Variants in ZNF662 observed in about 807,000 individuals in gnomAD.
The protein encoded by ZNF662 is zinc finger protein 662.
A neutral mutation model predicts 12.4 loss-of-function variants in ZNF662; 14 were observed. The observed-to-expected ratio is 1.13, with a 90% confidence interval of 0.75 to 1.77. ZNF662 has a LOEUF of 1.77. Ranked by LOEUF, ZNF662 falls within the 40% of genes most tolerant of loss-of-function variation. The pLI is 0.00. For synonymous variants in ZNF662, 184 were observed against 176.4 expected, an observed-to-expected ratio of 1.04 and a Z score of -0.34; for missense variants, 550 against 515.6, an observed-to-expected ratio of 1.07 and a Z score of -0.65.
intron 3 of ZNF662, among the ~76,000 whole-genome samples, chr3:42,909,984 T>C (rs2088758342): frequency 6.6e-6 from 1 of 152,034 alleles, no homozygotes; most frequent in African/African-American, 2.4e-5. Flanking sequence ...CTCGGCACTT[T>C]GGGAGGCCAA....
At chr3:42,908,998 G>A in intron 3 of ZNF662, 89 bp downstream of exon 3, 1 of 834,704 alleles carries the variant, frequency 1.2e-6, no homozygotes, top group East Asian at 2.7e-5. Flanking sequence ...TTAATCTAGT[G>A]TTGTAGACAC....
rs891842073 is a variant in ZNF662, at chr3:42,913,297, G to T, written c.248G>T (p.Cys83Phe). The change falls in exon 4 of 5, where the codon TGT (cysteine) becomes TTT (phenylalanine). Residue 83 changes from cysteine to phenylalanine, a missense_variant. Coordinates refer to ENST00000440367, the MANE Select transcript of ZNF662 (RefSeq NM_207404.4). The part of the protein sequence containing the change: ...KLQGEGPSLI[C>F]PEGVLKRKKE... ...CAAGGAGAGGGTCCAAGCCTGATTT[G>T]TCCGGGTAAGTGAGAGGGAAATGAG... 1 of 1,611,940 alleles carries T rather than the reference G, an allele frequency of 6.2e-7. No individual in the cohort carries two copies. Among genetic ancestry groups the T allele is most frequent in the Non-Finnish European group, 8.5e-7 (1 of 1,178,126 alleles).
Position 42,914,670 on chromosome 3 carries a change from G to T in ZNF662, c.597G>T (p.Lys199Asn). Residue 199 changes from lysine to asparagine, a missense_variant, in exon 5 of 5, where the codon AAG (lysine) becomes AAT (asparagine). Coordinates refer to ENST00000440367, the MANE Select transcript of ZNF662 (RefSeq NM_207404.4). ...QIFYICEECG[K>N]CFDQNEDFDQ... is the part of the protein sequence containing the mutation. ...TCTATATATGTGAGGAATGCGGCAAGTGTTTTGATCAAAATGAGGACTTTG... is the reference window on the plus strand; with the variant it reads ...TCTATATATGTGAGGAATGCGGCAATTGTTTTGATCAAAATGAGGACTTTG... 1.2e-6 allele frequency: 2 copies of T among 1,614,208 alleles called. No homozygotes were observed. The highest frequency in any genetic ancestry group is 1.7e-6 in the Non-Finnish European group (2 of 1,180,044).
In ZNF662 at chr3:42,918,713, G is replaced by A. The variant is rs960778145; in HGVS notation, c.*3359G>A. Among the ~76,000 whole-genome samples the A allele has an allele frequency of 3.9e-5, 6 of 152,144 alleles. No homozygotes were observed. Among genetic ancestry groups the A allele is most frequent in the Non-Finnish European group, 7.3e-5 (5 of 68,030 alleles). Reference sequence around the variant, plus strand: ...ATGGGGGCACTGTTTTGGGAAAATAGCAGTGAGATCTCCCTCAGAGGCCTA... The same window carrying A: ...ATGGGGGCACTGTTTTGGGAAAATAACAGTGAGATCTCCCTCAGAGGCCTA... On this transcript the variant is annotated 3_prime_UTR_variant, in exon 5 of 5. Coordinates refer to ENST00000440367, the MANE Select transcript of ZNF662 (RefSeq NM_207404.4).
Position 42,915,221 on chromosome 3 carries a change from C to T in ZNF662, c.1148C>T (p.Thr383Ile), listed in dbSNP as rs762784081. 1.2e-6 allele frequency: 2 copies of T among 1,614,084 alleles called. No individual in the cohort carries two copies. The highest frequency in any genetic ancestry group is 1.7e-6 in the Non-Finnish European group (2 of 1,180,026). Residue 383 changes from threonine to isoleucine, a missense_variant, in exon 5 of 5, where the codon ACT becomes ATT. Coordinates refer to ENST00000440367, the MANE Select transcript of ZNF662 (RefSeq NM_207404.4). The part of the protein sequence containing the change: ...AHLIRHQRIH[T>I]GERPYKCNDC... The stretch of plus-strand genomic sequence containing the variant: ...CTTATTCGACATCAAAGAATCCATA[C>T]TGGGGAAAGACCCTATAAATGTAAT...
At position 42,917,170 on chromosome 3, in the gene ZNF662, A is replaced by C; in HGVS notation, c.*1816A>C. On this transcript the variant is annotated 3_prime_UTR_variant, in exon 5 of 5. Transcript: ENST00000440367. ...TCATCTCTTCCCCTTCTCTCTGGGA[A>C]CAGTTACCCGGGTATTCTTTGGGAA... is the stretch of plus-strand genomic sequence containing the variant. 1 of 296,490 alleles carries C rather than the reference A, an allele frequency of 3.4e-6. No homozygotes were observed. The highest frequency in any genetic ancestry group is 5.7e-5 in the East Asian group (1 of 17,494). 18.4% of individuals were successfully genotyped at this position (296,490 alleles called of 1,614,324 possible).
chr3:42,915,032 T>C lies in ZNF662; in HGVS notation c.959T>C (p.Leu320Pro). Residue 320 changes from leucine to proline, a missense_variant, in exon 5 of 5, where the codon CTT (leucine) becomes CCT (proline). By Grantham distance (98) the Leu-to-Pro change is moderately conservative. Coordinates refer to ENST00000440367, the MANE Select transcript of ZNF662 (RefSeq NM_207404.4). Reference sequence around the variant, plus strand: ...AGCTTTACTCGAAACCCAGCCCTTCTTCGACATCAGAGAATGCACACTGGG... The same window carrying C: ...AGCTTTACTCGAAACCCAGCCCTTCCTCGACATCAGAGAATGCACACTGGG... ...GKSFTRNPAL[L>P]RHQRMHTGEK... 6.2e-7 allele frequency: 1 copy of C among 1,613,954 alleles called. No homozygotes were observed. Among genetic ancestry groups the C allele is most frequent in the Non-Finnish European group, 8.5e-7 (1 of 1,180,002 alleles).
At chr3:42,908,390 G>T (rs1421695070) in intron 2 of ZNF662, 1 of 1,319,418 alleles carries the variant, frequency 7.6e-7, no homozygotes, top group African/African-American at 1.5e-5. Context: ...TGTGTTGTGG[G>T]TATAGTGAGA....
chr3:42,913,221 GC>G lies in ZNF662; in HGVS notation c.173del (p.Ala58ValfsTer13). The G allele has an allele frequency of 6.2e-7, 1 of 1,613,900 alleles. No individual in the cohort carries two copies. ...GGCAGGATATCCATTTCTAAAGCCT[GC>G]TGGGATTTCCCATCCTGAGCAGGTG... is the stretch of plus-strand genomic sequence containing the variant. ...ISSGYPFLKP[A>X]GISHPEQVEE... On this transcript the variant is annotated frameshift_variant, in exon 4 of 5. Coordinates refer to ENST00000440367, the MANE Select transcript of ZNF662 (RefSeq NM_207404.4). LOFTEE classifies it high-confidence loss of function.
At chr3:42,912,738 T>TA (rs1435919659) in intron 3 of ZNF662, among the ~76,000 whole-genome samples, 9 of 117,634 alleles carry the variant, frequency 7.7e-5, no homozygotes, top group Non-Finnish European at 1.2e-4. Context: ...TATATATAAA[T>TA]ATATATATAT....
chr3:42,914,637 G>T lies in ZNF662; in HGVS notation c.564G>T (p.Glu188Asp), dbSNP rs774489250. ...GTATACATCACAAAATTCTAAATGA[G>T]CAAATATTCTATATATGTGAGGAAT... is the stretch of plus-strand genomic sequence containing the variant. ...LLGIHHKILN[E>D]QIFYICEECG... Residue 188 changes from glutamate (E) to aspartate (D), a missense_variant, in exon 5 of 5, where the codon GAG becomes GAT. Glu to Asp is a conservative substitution (Grantham distance 45, BLOSUM62 2). Coordinates refer to ENST00000440367, the MANE Select transcript of ZNF662 (RefSeq NM_207404.4). 1.9e-6 allele frequency: 3 copies of T among 1,614,134 alleles called. No homozygotes were observed. The highest frequency in any genetic ancestry group is 2.5e-6 in the Non-Finnish European group (3 of 1,180,030).
At chr3:42,914,269 C>T in intron 4 of ZNF662, 58 bp from the exon 5 acceptor site, 2 of 1,451,842 alleles carry the variant, frequency 1.4e-6, no homozygotes, top group Admixed American at 2.1e-5. Flanking sequence ...CACTTGGTGA[C>T]CTTAGTCGCT....
At chr3:42,909,793 G>T (rs898647075) in intron 3 of ZNF662, among the ~76,000 whole-genome samples, 9 of 150,396 alleles carry the variant, frequency 6.0e-5, no homozygotes, top group African/African-American at 2.2e-4. Context: ...CCCAGATGGC[G>T]TGGCGGCGGG....
chr3:42,909,222 GTGT>G (rs1356768346), intron 3 of ZNF662, among the ~76,000 whole-genome samples: 1 of 152,182 alleles, frequency 6.6e-6, no homozygotes, highest in African/African-American at 2.4e-5. Context: ...GCCTTCCGTA[GTGT>G]TTGTGTCCCT....
At position 42,915,331 on chromosome 3, in the gene ZNF662, A is replaced by G. The variant is rs770727885; in HGVS notation, c.1258A>G (p.Ile420Val). ...TAGAGACAAACCCTATAACTGTCAG[A>G]TCTCTCACCTTCTTGAACATTAGAG... is the stretch of plus-strand genomic sequence containing the variant. ...HARDKPYNCQ[I>V]SHLLEH is the part of the protein sequence containing the mutation. The change falls in exon 5 of 5, where the codon ATC (isoleucine) becomes GTC (valine). Residue 420 changes from isoleucine (I) to valine (V), a missense_variant. Transcript: ENST00000440367. 9.5e-6 allele frequency: 15 copies of G among 1,581,272 alleles called. No homozygotes were observed. In the Admixed American group the frequency reaches 2.8e-4, roughly 29 times the overall value.
In ZNF662 at chr3:42,914,329, G is replaced by A. The variant is rs774015634; in HGVS notation, c.256G>A (p.Gly86Ser). The change falls in exon 5 of 5, where the codon GGT becomes AGT. Residue 86 changes from glycine (G) to serine (S), a missense_variant and splice_region_variant. Physicochemically the swap from Gly to Ser is moderately conservative, Grantham distance 56 (BLOSUM62 0). Coordinates refer to ENST00000440367, the MANE Select transcript of ZNF662 (RefSeq NM_207404.4). ...GAAGCTCCAATTTCTTTTTTCAGAGGGTGTGTTGAAGAGGAAGAAAGAAGA... is the reference window on the plus strand; with the variant it reads ...GAAGCTCCAATTTCTTTTTTCAGAGAGTGTGTTGAAGAGGAAGAAAGAAGA... ...GEGPSLICPE[G>S]VLKRKKEDFI... 4 of 1,585,954 alleles carry A rather than the reference G, an allele frequency of 2.5e-6. No individual in the cohort carries two copies. The Admixed American group carries it at 5.7e-5, about 22-fold the overall frequency.
chr3:42,917,342 G>A lies in ZNF662; in HGVS notation c.*1988G>A, dbSNP rs908218309. On this transcript the variant is annotated 3_prime_UTR_variant, in exon 5 of 5. Transcript: ENST00000440367. ...ATACTGGCTCTTCTGGAAAAGAGAG[G>A]CTTTTCTTCATCGAGAGCTACCAGA... The A allele has an allele frequency of 1.0e-5, 6 of 600,044 alleles. No homozygotes were observed. The highest frequency in any genetic ancestry group is 1.8e-5 in the Non-Finnish European group (6 of 341,000). The allele number at this position is 600,044 out of a possible 1,614,324, so 37.2% of individuals were successfully genotyped here. A position where few individuals can be genotyped will look rare whatever the true frequency, so the allele number is the denominator to read the frequency against.
intron 3 of ZNF662, among the ~76,000 whole-genome samples, chr3:42,910,317 G>T (rs552314200): frequency 6.6e-6 from 1 of 152,178 alleles, no homozygotes; most frequent in Admixed American, 6.5e-5. Flanking sequence ...GTCCAGCCTT[G>T]GCTGGGCTTT....
At chr3:42,912,746 T>TTTTTTTTTTATATATATAAATATATATAC (rs2088844455) in intron 3 of ZNF662, among the ~76,000 whole-genome samples, 1 of 121,806 alleles carries the variant, frequency 8.2e-6, no homozygotes, top group Non-Finnish European at 1.6e-5. Context: ...AATATATATA[T>TTTTTTTTTTATATATATAAATATATATAC]ATATATTTTT....
Sources: gnomAD v4.1 joint callset for allele counts (sites outside exome capture counted in the v4.1 genomes callset) on GRCh38, gnomAD v4.1.1 for gene constraint, MANE v1.5 for transcripts, NCBI Gene and HGNC (gene_info 2026-07-23, HGNC 2026-07-21) for gene names.